Variants in FOXJ2 observed in about 807,000 individuals in gnomAD.
The protein encoded by FOXJ2 is forkhead box J2, also known as forkhead box protein J2.
A neutral mutation model predicts 68.4 loss-of-function variants in FOXJ2; 18 were observed. That is an observed-to-expected ratio of 0.26 (90% CI 0.18 to 0.39). The LOEUF (loss-of-function observed/expected upper bound fraction) is 0.39, where lower values mean the gene tolerates loss of function less well. Among genes scored for constraint, FOXJ2 ranks in the 10% least tolerant of loss-of-function variants. The pLI, the probability that FOXJ2 is intolerant of heterozygous loss-of-function variation, is 1.00. For synonymous variants in FOXJ2, 274 were observed against 263.2 expected (o/e 1.04, Z -0.40); for missense variants, 670 against 726.5 (o/e 0.92, Z 0.89).
chr12:8,049,762 T>C lies in FOXJ2; in HGVS notation c.1537+191T>C, dbSNP rs146276399. The C allele has an allele frequency of 2.6e-3, 1,327 of 511,302 alleles. 5 individuals are homozygous for C. Among genetic ancestry groups the C allele is most frequent in the Non-Finnish European group, 3.8e-3 (1,106 of 293,732 alleles). The allele number at this position is 511,302 out of a possible 1,614,324, so 31.7% of individuals were successfully genotyped here. On this transcript the variant is annotated intron_variant, in intron 9 of 10. Coordinates refer to ENST00000162391, the MANE Select transcript of FOXJ2 (RefSeq NM_018416.3). ...CCTAAACTGAAAAATGCAAAAGAAA[T>C]AGACTGTATGATTCCTTTTTAGACC...
In FOXJ2 at chr12:8,049,488, G is replaced by A. The variant is rs766834872; in HGVS notation, c.1454G>A (p.Gly485Asp). 6.2e-7 allele frequency: 1 copy of A among 1,614,078 alleles called. No homozygotes were observed. Among genetic ancestry groups the A allele is most frequent in the South Asian group, 1.1e-5 (1 of 91,060 alleles). The part of the protein sequence containing the change: ...TQTGHVPPQG[G>D]THRPPAPARI... ...ACTGGTCACGTGCCCCCTCAAGGGG[G>A]TACCCACCGCCCACCAGCCCCTGCC... Residue 485 changes from glycine (G) to aspartate (D), a missense_variant, in exon 9 of 11, where the codon GGT becomes GAT. Around this residue, in one of 2 missense-constraint regions of FOXJ2, gnomAD observed 555 missense variants for 562.2 expected, o/e 0.99. Transcript: ENST00000162391.
intron 8 of FOXJ2, 93 bp from the exon 9 acceptor site, chr12:8,049,269 T>C (rs1591580917): frequency 5.4e-6 from 5 of 923,102 alleles, no homozygotes; most frequent in Non-Finnish European, 6.7e-6. Context: ...GTGGGGGTGA[T>C]TGATGGTGTG....
rs1946944999 is a variant in FOXJ2 at position 8,040,081 on chromosome 12, A to G, written c.249A>G (p.Pro83=). The change falls in exon 2 of 11, where the codon CCA becomes CCG. Residue 83 remains proline (P), a synonymous_variant. Transcript: ENST00000162391. This position sits in a 1 kb window ranked among gnomAD's most constrained non-coding sequence, Gnocchi z 4.0. Reference sequence around the variant, plus strand: ...TCACCTATGCCATCAACTCCTCTCCAGCCAAGAAGATGACCCTCAGCGAGA... The same window carrying G: ...TCACCTATGCCATCAACTCCTCTCCGGCCAAGAAGATGACCCTCAGCGAGA... ...TLITYAINSS[P]AKKMTLSEIY... 4.3e-6 allele frequency: 7 copies of G among 1,614,178 alleles called. No homozygotes were observed. The Admixed American group carries it at 8.3e-5, about 19-fold the overall frequency.
At chr12:8,037,029 C>T (rs1946905749) in intron 1 of FOXJ2, among the ~76,000 whole-genome samples, 1 of 152,170 alleles carries the variant, frequency 6.6e-6, no homozygotes, top group Admixed American at 6.5e-5. Flanking sequence ...ATGGAGGTTG[C>T]AGTGAGCCGA....
At chr12:8,035,000 T>G (rs1262858982) in intron 1 of FOXJ2, among the ~76,000 whole-genome samples, 1 of 152,190 alleles carries the variant, frequency 6.6e-6, no homozygotes, top group East Asian at 1.9e-4. Context: ...TGAAGGAGGC[T>G]TCATCTGACT....
intron 10 of FOXJ2, among the ~76,000 whole-genome samples, chr12:8,052,554 A>C (rs1947140165): frequency 6.6e-6 from 1 of 152,194 alleles, no homozygotes. Flanking sequence ...ATAATATTTA[A>C]TTGCTGTGGA....
intron 1 of FOXJ2, among the ~76,000 whole-genome samples, chr12:8,036,246 T>A (rs1946893459): frequency 6.6e-6 from 1 of 152,222 alleles, no homozygotes; most frequent in South Asian, 2.1e-4. Flanking sequence ...CAGGAAGTCA[T>A]CACACCTTAT....
intron 1 of FOXJ2, among the ~76,000 whole-genome samples, chr12:8,037,065 G>A (rs1294902467): frequency 1.3e-5 from 2 of 152,100 alleles, no homozygotes; most frequent in Non-Finnish European, 2.9e-5. Flanking sequence ...CTCTATCCTG[G>A]GCCACAGAGC....
chr12:8,054,891 C>T lies in FOXJ2; in HGVS notation c.*2041C>T, dbSNP rs1009347428. The stretch of plus-strand genomic sequence containing the variant: ...TAAATGATCACTTCTCTTTTCTAAA[C>T]CCTTTTCCTGTTCAGATCCATACAG... On this transcript the variant is annotated 3_prime_UTR_variant, in exon 11 of 11. Transcript: ENST00000162391. The T allele has an allele frequency of 1.3e-5, 2 of 152,244 alleles. No individual in the cohort carries two copies. Among genetic ancestry groups the T allele is most frequent in the African/African-American group, 4.8e-5 (2 of 41,458 alleles). 9.4% of individuals were successfully genotyped at this position (152,244 alleles called of 1,614,324 possible).
chr12:8,055,423 A>C lies in FOXJ2; in HGVS notation c.*2573A>C, dbSNP rs1169824483. ...CACCCATAATGCTTTGCATTGCTGC[A>C]TCCTGGGAAGGGGGTATATGGTCTC... On this transcript the variant is annotated 3_prime_UTR_variant, in exon 11 of 11. Transcript: ENST00000162391. 1 of 152,384 alleles carries C rather than the reference A, an allele frequency of 6.6e-6. No homozygotes were observed. The highest frequency in any genetic ancestry group is 1.5e-5 in the Non-Finnish European group (1 of 68,006). 9.4% of individuals were successfully genotyped at this position (152,384 alleles called of 1,614,324 possible).
chr12:8,048,622 G>C (rs997254618), intron 7 of FOXJ2, 75 bp from the exon 8 acceptor site: 2 of 1,388,862 alleles, frequency 1.4e-6, no homozygotes, highest in African/African-American at 2.8e-5. Context: ...CTTGCATGTA[G>C]TCAGCCTGGT....
chr12:8,050,237 A>G, intron 9 of FOXJ2: 1 of 918,668 alleles, frequency 1.1e-6, no homozygotes, highest in Non-Finnish European at 1.4e-6. Context: ...CGGCTGCCCA[A>G]AGTGTTGGGA....
chr12:8,039,462 A>C (rs773739675), intron 1 of FOXJ2, among the ~76,000 whole-genome samples: 2 of 152,266 alleles, frequency 1.3e-5, no homozygotes, highest in African/African-American at 4.8e-5. Context: ...TTTACCTGCT[A>C]TCTAAGTGGG....
chr12:8,040,391 G>T lies in FOXJ2; in HGVS notation c.333+226G>T, dbSNP rs1946949550. ...AGCCATTAAGTATAGTGATGGGGAT[G>T]GCAGGACGCTGTTGCTCATCACACC... On this transcript the variant is annotated intron_variant, in intron 2 of 10. Transcript: ENST00000162391. The surrounding 1 kb of genome is among the most constrained non-coding windows in gnomAD (Gnocchi z 4.0). Among the ~76,000 whole-genome samples, 1 of 151,938 alleles carries T rather than the reference G, an allele frequency of 6.6e-6. No homozygotes were observed.
At chr12:8,036,432 G>A (rs11835082) in intron 1 of FOXJ2, among the ~76,000 whole-genome samples, 18,434 of 152,110 alleles carry the variant, frequency 0.12, 3,477 homozygotes, top group African/African-American at 0.4. Flanking sequence ...ATTAGACGTC[G>A]TGTGGATGTG....
intron 6 of FOXJ2, 143 bp from the exon 7 acceptor site, chr12:8,047,739 A>G: frequency 8.9e-7 from 1 of 1,122,846 alleles, no homozygotes; most frequent in Non-Finnish European, 1.3e-6. Context: ...GGAGGGCCAC[A>G]GGGATCTTTG....
chr12:8,050,997 CCTTT>C, intron 10 of FOXJ2, among the ~76,000 whole-genome samples: 1 of 124,938 alleles, frequency 8.0e-6, no homozygotes, highest in Non-Finnish European at 1.7e-5. Context: ...CCTTCCCTTC[CCTTT>C]CCTTCCCCTT....
chr12:8,045,078 C>T, intron 6 of FOXJ2, 120 bp downstream of exon 6: 2 of 1,023,978 alleles, frequency 2.0e-6, no homozygotes, highest in Non-Finnish European at 1.4e-6. Flanking sequence ...GGGTCTCACT[C>T]TTTCGTCCAA....
Position 8,043,708 on chromosome 12 carries a change from A to G in FOXJ2, c.416A>G (p.Tyr139Cys), listed in dbSNP as rs747259291. Reference protein sequence around the residue: ...RPRDDPGKGSYWTIDTCPDIS... With the variant: ...RPRDDPGKGSCWTIDTCPDIS... The stretch of plus-strand genomic sequence containing the variant: ...AATGGGATCTCCTTCCAGGGTTCCT[A>G]TTGGACAATTGACACCTGCCCTGAC... Residue 139 changes from tyrosine (Y) to cysteine (C), a missense_variant, in exon 4 of 11, where the codon TAT becomes TGT. Transcript: ENST00000162391. The G allele has an allele frequency of 1.2e-6, 2 of 1,614,134 alleles. No homozygotes were observed. The highest frequency in any genetic ancestry group is 1.7e-6 in the Non-Finnish European group (2 of 1,180,026).
Sources: gnomAD v4.1 joint callset for allele counts (sites outside exome capture counted in the v4.1 genomes callset) on GRCh38, gnomAD v4.1.1 for gene constraint, gnomAD v4.1.1 regional missense constraint, Gnocchi (gnomAD v3.1) non-coding constraint, MANE v1.5 for transcripts, NCBI Gene and HGNC (gene_info 2026-07-23, HGNC 2026-07-21) for gene names.